The following PPEF1 variants were observed in gnomAD, a reference collection of about 807,000 sequenced individuals.
PPEF1 encodes protein phosphatase with EF-hand domain 1.
Under a neutral mutation model 53.3 loss-of-function variants are expected in PPEF1, and 12 were observed. The observed-to-expected ratio is 0.23, with a 90% CI of 0.14 to 0.36. The LOEUF is 0.36. Among genes scored for constraint, PPEF1 ranks in the 10% least tolerant of loss-of-function variants. PPEF1 has a pLI of 1.00. For synonymous variants in PPEF1, 165 were observed against 176.7 expected (o/e 0.93, Z 0.52); for missense variants, 334 against 490.4 (o/e 0.68, Z 3.01).
intron 4 of PPEF1, among the ~76,000 whole-genome samples, chrX:18,754,798 A>G (rs937791499): frequency 2.7e-5 from 3 of 111,369 alleles, no homozygotes; most frequent in Non-Finnish European, 5.7e-5. Context: ...ACAAGTTTTC[A>G]CTGTGTTGCC....
At chrX:18,756,777 G>A (rs1481083835) in intron 4 of PPEF1, among the ~76,000 whole-genome samples, 1 of 112,490 alleles carries the variant, frequency 8.9e-6, no homozygotes, top group Non-Finnish European at 1.9e-5. Context: ...TATATTCTCA[G>A]TGAATATTTG....
intron 1 of PPEF1, among the ~76,000 whole-genome samples, chrX:18,677,281 C>T (rs542215745): frequency 7.5e-4 from 84 of 111,955 alleles, no homozygotes; most frequent in African/African-American, 2.4e-3. Context: ...TCAAGTGATC[C>T]GCCCACCTCG....
chrX:18,798,021 A>C (rs2046467477), intron 10 of PPEF1, among the ~76,000 whole-genome samples: 1 of 111,108 alleles, frequency 9.0e-6, no homozygotes, highest in Admixed American at 9.6e-5. Flanking sequence ...TGGGAACAAT[A>C]AAAACTAGAG....
chrX:18,789,317 G>A, intron 10 of PPEF1, 44 bp downstream of exon 10: 1 of 1,140,072 alleles, frequency 8.8e-7, no homozygotes, highest in East Asian at 3.0e-5. Flanking sequence ...AATGACACTA[G>A]CGTGCATGTT....
intron 1 of PPEF1, among the ~76,000 whole-genome samples, chrX:18,718,131 A>G (rs1240224565): frequency 8.9e-6 from 1 of 112,072 alleles, no homozygotes; most frequent in African/African-American, 3.2e-5. Context: ...ACCCATCCCA[A>G]CAACCTTTTT....
At chrX:18,739,181 G>C (rs1206832718) in intron 3 of PPEF1, among the ~76,000 whole-genome samples, 1 of 112,756 alleles carries the variant, frequency 8.9e-6, no homozygotes, top group Non-Finnish European at 1.9e-5. Context: ...CTGGCGAGGA[G>C]CTGCGTTCCT....
At chrX:18,735,413 G>T (rs1307404110) in intron 3 of PPEF1, among the ~76,000 whole-genome samples, 4 of 111,801 alleles carry the variant, frequency 3.6e-5, no homozygotes, top group Admixed American at 2.9e-4. Context: ...GTGTTTGTCA[G>T]GTTTGTCAAA....
chrX:18,764,686 A>G (rs2045732499), intron 6 of PPEF1, among the ~76,000 whole-genome samples: 1 of 111,428 alleles, frequency 9.0e-6, no homozygotes, highest in Non-Finnish European at 1.9e-5. Context: ...TGACAATTAC[A>G]ATGTGAGGAA....
intron 5 of PPEF1, among the ~76,000 whole-genome samples, chrX:18,758,684 C>T (rs2045598666): frequency 9.0e-6 from 1 of 110,847 alleles, no homozygotes; most frequent in Non-Finnish European, 1.9e-5. Flanking sequence ...AAGGCCTCAC[C>T]TGGCCTTTTC....
chrX:18,788,304 C>CAAAA (rs1214682551), intron 9 of PPEF1, among the ~76,000 whole-genome samples: 3 of 30,276 alleles, frequency 9.9e-5, no homozygotes, highest in African/African-American at 3.0e-4. Flanking sequence ...GACTCTGTCT[C>CAAAA]AAAAAAAAAA....
At chrX:18,715,981 T>C (rs1602373294) in intron 1 of PPEF1, among the ~76,000 whole-genome samples, 1 of 112,380 alleles carries the variant, frequency 8.9e-6, no homozygotes, top group African/African-American at 3.2e-5. Context: ...ATATATTTTA[T>C]TTCTTCCCTT....
chrX:18,730,967 G>T (rs1270303319), intron 2 of PPEF1, among the ~76,000 whole-genome samples: 1 of 111,599 alleles, frequency 9.0e-6, no homozygotes, highest in East Asian at 2.8e-4. Context: ...CATCTGCCTT[G>T]GCCTCCCAAA....
chrX:18,717,168 C>G (rs781163088), intron 1 of PPEF1, among the ~76,000 whole-genome samples: 1 of 105,260 alleles, frequency 9.5e-6, no homozygotes, highest in Admixed American at 1.1e-4. Context: ...AATTGCAAAC[C>G]TACAGAGAAG....
intron 12 of PPEF1, among the ~76,000 whole-genome samples, chrX:18,815,664 G>A (rs753723546): frequency 9.0e-6 from 1 of 111,180 alleles, no homozygotes; most frequent in South Asian, 3.7e-4. Context: ...AAGGTCAGTA[G>A]TGATGTCCCC....
At chrX:18,795,807 C>T (rs1387006413) in intron 10 of PPEF1, among the ~76,000 whole-genome samples, 2 of 111,964 alleles carry the variant, frequency 1.8e-5, no homozygotes. Flanking sequence ...CTGAAGCTCA[C>T]ATAAGTTGAA....
In PPEF1 at chrX:18,789,007, G is replaced by A. The variant is rs1202153708; in HGVS notation, c.913-114G>A. 1.2e-5 allele frequency: 11 copies of A among 931,658 alleles called. No individual in the cohort carries two copies. In the East Asian group the frequency reaches 3.4e-4, roughly 29 times the overall value. The allele number at this position is 931,658 out of a possible 1,213,427, so 76.8% of individuals were successfully genotyped here. A position where few individuals can be genotyped will look rare whatever the true frequency, so the allele number is the denominator to read the frequency against. On this transcript the variant is annotated intron_variant, in intron 9 of 15. Coordinates refer to ENST00000470157, the MANE Select transcript of PPEF1 (RefSeq NM_001377996.1). ...GACGAGATGCAAAAAGTGACCGTGT[G>A]TTTTTCATTGGGTTGTGGCACCACA...
At chrX:18,740,916 A>ATTTTTTTTTTTTTTTTTTTTT (rs749122735) in intron 3 of PPEF1, among the ~76,000 whole-genome samples, 1 of 75,215 alleles carries the variant, frequency 1.3e-5, no homozygotes, top group Non-Finnish European at 2.6e-5. Flanking sequence ...TGGGCCAACC[A>ATTTTTTTTTTTTTTTTTTTTT]TTTTTTTTTT....
chrX:18,781,654 T>C (rs1485878894), intron 7 of PPEF1, among the ~76,000 whole-genome samples: 1 of 111,900 alleles, frequency 8.9e-6, no homozygotes, highest in Non-Finnish European at 1.9e-5. Flanking sequence ...AACGTTACAC[T>C]GTAGAAGCCT....
intron 7 of PPEF1, among the ~76,000 whole-genome samples, chrX:18,781,935 C>A (rs1045404929): frequency 9.3e-6 from 1 of 107,704 alleles, no homozygotes. Flanking sequence ...TCAGTCTTTT[C>A]TTTGTTCAGT....
Sources: gnomAD v4.1 joint callset for allele counts (sites outside exome capture counted in the v4.1 genomes callset) on GRCh38, gnomAD v4.1.1 for gene constraint, MANE v1.5 for transcripts, NCBI Gene and HGNC (gene_info 2026-07-23, HGNC 2026-07-21) for gene names.